Variants in MIB1 observed in about 807,000 individuals in gnomAD.
MIB1 encodes the protein MIB E3 ubiquitin protein ligase 1.
Under a neutral mutation model 124.5 loss-of-function variants are expected in MIB1, and 278 were observed. The observed-to-expected ratio is 2.23, with a 90% CI of 2.02 to 2.47. The LOEUF (loss-of-function observed/expected upper bound fraction) is 2.47. Ranked by LOEUF, MIB1 falls within the 30% of genes most tolerant of loss-of-function variation. The probability of loss-of-function intolerance (pLI) is 0.00; values close to 1 mark genes in which losing one functional copy is unlikely to be tolerated. For missense variants in MIB1, 957 were observed against 1,254.4 expected (o/e 0.76, Z 3.58); for synonymous variants, 446 against 429.4 (o/e 1.04, Z -0.48).
chr18:21,860,098 C>CTTTTTTTTGTTTTTTTTTTTTTTT (rs2042263281), intron 20 of MIB1, among the ~76,000 whole-genome samples: 1 of 26,460 alleles, frequency 3.8e-5, no homozygotes, highest in African/African-American at 1.2e-4. Context: ...TTCTTTATGT[C>CTTTTTTTTGTTTTTTTTTTTTTTT]TTTTTTTTTT....
chr18:21,841,531 A>G (rs916734400), intron 13 of MIB1, among the ~76,000 whole-genome samples: 9 of 152,226 alleles, frequency 5.9e-5, no homozygotes, highest in Non-Finnish European at 1.0e-4. Context: ...AGTTACTACA[A>G]TTGCCCACTT....
Position 21,801,562 on chromosome 18 carries a change from C to A in MIB1, c.1371+1588C>A, listed in dbSNP as rs971052830. On this transcript the variant is annotated intron_variant, in intron 9 of 20. Coordinates refer to ENST00000261537, the MANE Select transcript of MIB1 (RefSeq NM_020774.4). ...AGTTTTGACAAATGCATACCACCCA[C>A]GTAGTCCACACCTCTATTAAGATGT... 3.9e-5 allele frequency among the ~76,000 whole-genome samples: 6 copies of A among 152,130 alleles called. No homozygotes were observed. The East Asian group carries it at 1.2e-3, about 29-fold the overall frequency.
In MIB1 at chr18:21,815,831, A is replaced by G; in HGVS notation, c.1677+18A>G. ...GTCTCCAGGTAAAACCTTTAAAGAA[A>G]CACATCCTGCAGGTATTGCTAGGAT... On this transcript the variant is annotated intron_variant, in intron 11 of 20. Coordinates refer to ENST00000261537, the MANE Select transcript of MIB1 (RefSeq NM_020774.4). 5.6e-6 allele frequency: 9 copies of G among 1,607,688 alleles called. No individual in the cohort carries two copies. The highest frequency in any genetic ancestry group is 7.7e-6 in the Non-Finnish European group (9 of 1,174,148).
At chr18:21,778,657 G>A (rs2041321395) in intron 5 of MIB1, among the ~76,000 whole-genome samples, 1 of 152,048 alleles carries the variant, frequency 6.6e-6, no homozygotes, top group African/African-American at 2.4e-5. Context: ...ATTGTTGCCT[G>A]GATGAACATT....
intron 1 of MIB1, among the ~76,000 whole-genome samples, chr18:21,751,101 C>G (rs1200394186): frequency 1.3e-5 from 2 of 151,894 alleles, no homozygotes; most frequent in East Asian, 3.9e-4. Context: ...GTTGGTGAGG[C>G]TGAGGCAGGA....
At position 21,721,322 on chromosome 18, in the gene MIB1, A is replaced by G. The variant is rs2040715074; in HGVS notation, n.167+16199A>G. 1.3e-4 allele frequency among the ~76,000 whole-genome samples: 19 copies of G among 151,536 alleles called. No homozygotes were observed. The Admixed American group carries it at 1.3e-3, about 10-fold the overall frequency. ...CAGCCTCCTAAGTAGCTGGGATTAC[A>G]AGCATACACCGCCACGCCCAGCTAA... On this transcript the variant is annotated intron_variant and non_coding_transcript_variant, in intron 1 of 20. Coordinates refer to the MIB1 transcript ENST00000578646.
intron 7 of MIB1, 86 bp from the exon 8 acceptor site, chr18:21,797,998 C>G: frequency 1.6e-6 from 2 of 1,289,852 alleles, no homozygotes; most frequent in South Asian, 1.6e-5. Flanking sequence ...TAAGTAAAAT[C>G]ATTACTTTAA....
At chr18:21,712,910 CT>C (rs935849742) in intron 1 of MIB1, among the ~76,000 whole-genome samples, 30 of 151,738 alleles carry the variant, frequency 2.0e-4, no homozygotes, top group African/African-American at 5.3e-4. Context: ...ATTAATGGCT[CT>C]TTTTTTTGCC....
intron 3 of MIB1, among the ~76,000 whole-genome samples, chr18:21,771,649 C>T (rs183325532): frequency 1.9e-4 from 29 of 152,202 alleles, no homozygotes; most frequent in Admixed American, 1.3e-3. Flanking sequence ...ATGAGATGGA[C>T]ATAGGGGACT....
rs35904303 is a variant in MIB1, at chr18:21,805,900, C to CTTTTTTTTTTT, written c.1479+1897_1479+1907dup. On this transcript the variant is annotated intron_variant, in intron 10 of 20. Transcript: ENST00000261537. ...TTTCAAGAGTAATTTTCTTTCTTTC[C>CTTTTTTTTTTT]TTTTTTTTTTTTTTTTTTTTTGAGA... 9.5e-5 allele frequency among the ~76,000 whole-genome samples: 10 copies of CTTTTTTTTTTT among 105,128 alleles called. 1 individual carries two copies. The highest frequency in any genetic ancestry group is 2.2e-4 in the Admixed American group (2 of 9,232). The allele number at this position is 105,128 out of a possible 152,430, so 69.0% of individuals were successfully genotyped here.
At chr18:21,774,763 T>C (rs1225670922) in intron 4 of MIB1, among the ~76,000 whole-genome samples, 2 of 151,954 alleles carry the variant, frequency 1.3e-5, no homozygotes, top group African/African-American at 2.4e-5. Context: ...ATGGAGGAAG[T>C]ATCCCAGTGT....
chr18:21,828,434 C>T (rs1279235125), intron 12 of MIB1: 1 of 151,922 alleles, frequency 6.6e-6, no homozygotes, highest in Non-Finnish European at 1.5e-5. Context: ...ACAAGGGCCA[C>T]TATGTTTGTA....
In MIB1 at chr18:21,844,234, G is replaced by A; in HGVS notation, c.2192G>A (p.Trp731Ter). The A allele has an allele frequency of 1.2e-6, 2 of 1,614,070 alleles. No homozygotes were observed. Among genetic ancestry groups the A allele is most frequent in the Non-Finnish European group, 1.7e-6 (2 of 1,179,980 alleles). Residue 731 changes from tryptophan to a stop codon, truncating the protein, a stop_gained, in exon 15 of 21, where the codon TGG becomes TAG. Coordinates refer to ENST00000261537, the MANE Select transcript of MIB1 (RefSeq NM_020774.4). LOFTEE classifies it high-confidence loss of function. ...GATGTGGGGAAGGTGGATGCTGCCT[G>A]GGAGCCATCCAAAAACACGGTGAGT... Reference protein sequence around the residue: ...MQDVGKVDAAWEPSKNTLIMG... With the variant: ...MQDVGKVDAA
At chr18:21,862,166 G>A (rs556493811) in intron 20 of MIB1, among the ~76,000 whole-genome samples, 1 of 151,692 alleles carries the variant, frequency 6.6e-6, no homozygotes, top group African/African-American at 2.4e-5. Context: ...CAAAGTGTTG[G>A]GATTACAGGC....
chr18:21,848,675 C>G (rs143000050), intron 16 of MIB1, among the ~76,000 whole-genome samples: 478 of 152,186 alleles, frequency 3.1e-3, no homozygotes, highest in Non-Finnish European at 5.0e-3. Flanking sequence ...GTCTATCTTT[C>G]TGTAATATAA....
chr18:21,842,439 TAAC>T (rs1216618726), intron 13 of MIB1, among the ~76,000 whole-genome samples: 1 of 152,200 alleles, frequency 6.6e-6, no homozygotes, highest in African/African-American at 2.4e-5. Context: ...AAATAGGTTT[TAAC>T]TGTCACCATT....
intron 7 of MIB1, chr18:21,794,216 AAG>A (rs1195609991): frequency 6.6e-6 from 1 of 152,176 alleles, no homozygotes; most frequent in Non-Finnish European, 1.5e-5. Context: ...AAAATGAAAA[AAG>A]TGTAAGAGAA....
chr18:21,724,727 A>AATATATATATATATAT (rs60650753), intron 1 of MIB1, among the ~76,000 whole-genome samples: 2 of 17,376 alleles, frequency 1.2e-4, no homozygotes, highest in Non-Finnish European at 2.2e-4. Flanking sequence ...AAAAAAAAAA[A>AATATATATATATATAT]ATATATATAT....
chr18:21,767,389 A>T (rs1049742441), intron 2 of MIB1, among the ~76,000 whole-genome samples: 7 of 152,108 alleles, frequency 4.6e-5, no homozygotes, highest in African/African-American at 1.7e-4. Flanking sequence ...CTATCAAGAG[A>T]ACAGCATGGA....
Sources: allele counts gnomAD v4.1 joint callset (sites outside exome capture counted in the v4.1 genomes callset), GRCh38; gene constraint gnomAD v4.1.1; transcripts MANE v1.5; gene names NCBI Gene and HGNC (gene_info 2026-07-23, HGNC 2026-07-21).